ADGRA3: variants seen among roughly 807,000 people sequenced by gnomAD.
ADGRA3 encodes the protein G-protein coupled receptor 125.
A neutral mutation model predicts 119.8 loss-of-function variants in ADGRA3; 56 were observed. The observed-to-expected ratio is 0.47, with a 90% CI of 0.38 to 0.58. ADGRA3 has a LOEUF of 0.58. ADGRA3 is among the 20% of genes least tolerant of loss of function. ADGRA3 has a pLI of 0.00. For synonymous variants in ADGRA3, 607 were observed against 623.8 expected, an observed-to-expected ratio of 0.97 and a Z score of 0.40; for missense variants, 1,516 against 1,649.0, an observed-to-expected ratio of 0.92 and a Z score of 1.40.
At chr4:22,397,240 G>A (rs770186384) in intron 16 of ADGRA3, among the ~76,000 whole-genome samples, 1 of 141,766 alleles carries the variant, frequency 7.1e-6, no homozygotes, top group African/African-American at 2.6e-5. Context: ...GGAGTGCAGT[G>A]GTGCAATCTC....
At chr4:22,390,554 C>T (rs1191024964) in intron 17 of ADGRA3, among the ~76,000 whole-genome samples, 1 of 151,706 alleles carries the variant, frequency 6.6e-6, no homozygotes, top group Admixed American at 6.6e-5. Flanking sequence ...ACCACTTTCT[C>T]GCCTTTATCA....
intron 16 of ADGRA3, chr4:22,394,136 A>G (rs1483863813): frequency 6.6e-6 from 1 of 152,160 alleles, no homozygotes; most frequent in Non-Finnish European, 1.5e-5. Context: ...ATGAAATTCC[A>G]AGAAAAAATC....
At position 22,507,164 on chromosome 4, in the gene ADGRA3, C is replaced by G. The variant is rs552637168; in HGVS notation, c.257+8364G>C. 2.6e-5 allele frequency among the ~76,000 whole-genome samples: 4 copies of G among 152,074 alleles called. No individual in the cohort carries two copies. The South Asian group carries it at 8.3e-4, about 32-fold the overall frequency. On this transcript the variant is annotated intron_variant, in intron 1 of 18. Transcript: ENST00000334304. Reference sequence around the variant, plus strand: ...CTGAAGCAGGGGAATGGCGTGAACCCAGGTGGTGGAGCTTGCAGTGAGCCG... The same window carrying G: ...CTGAAGCAGGGGAATGGCGTGAACCGAGGTGGTGGAGCTTGCAGTGAGCCG...
intron 12 of ADGRA3, 62 bp from the exon 13 acceptor site, chr4:22,413,876 AT>A (rs1668543856): frequency 1.9e-6 from 2 of 1,075,050 alleles, no homozygotes; most frequent in Non-Finnish European, 2.6e-6. Flanking sequence ...CCAGAAAAAA[AT>A]ATGTCAGATA....
At chr4:22,444,372 A>G (rs1026540409) in intron 6 of ADGRA3, among the ~76,000 whole-genome samples, 3 of 151,792 alleles carry the variant, frequency 2.0e-5, no homozygotes, top group Non-Finnish European at 2.9e-5. Context: ...TGAAACCTCC[A>G]CCTCCTGGGT....
chr4:22,473,984 G>C, intron 1 of ADGRA3, 141 bp from the exon 2 acceptor site: 2 of 505,262 alleles, frequency 4.0e-6, no homozygotes, highest in South Asian at 8.8e-5. Flanking sequence ...GAAAAAAAGT[G>C]AGTGTCTTCC....
chr4:22,431,629 C>T (rs1384588209), intron 10 of ADGRA3, among the ~76,000 whole-genome samples: 6 of 152,150 alleles, frequency 3.9e-5, no homozygotes, highest in African/African-American at 1.2e-4. Flanking sequence ...CATGACTTTG[C>T]TCCTCCTTTG....
intron 7 of ADGRA3, among the ~76,000 whole-genome samples, chr4:22,441,667 CT>C (rs879732727): frequency 2.0e-4 from 30 of 151,912 alleles, no homozygotes; most frequent in Non-Finnish European, 3.7e-4. Flanking sequence ...ATAAACAATA[CT>C]TTTTTAAAAA....
chr4:22,456,027 G>C (rs992854381), intron 3 of ADGRA3, among the ~76,000 whole-genome samples: 1 of 152,090 alleles, frequency 6.6e-6, no homozygotes, highest in Non-Finnish European at 1.5e-5. Flanking sequence ...CTCTGTCATA[G>C]AGAGGTACGC....
chr4:22,398,073 T>C, intron 16 of ADGRA3: 2 of 985,348 alleles, frequency 2.0e-6, no homozygotes, highest in South Asian at 4.7e-5. Context: ...CACATGGATG[T>C]AGTTGATCTG....
chr4:22,492,394 C>T (rs1230606630), intron 1 of ADGRA3, among the ~76,000 whole-genome samples: 1 of 152,150 alleles, frequency 6.6e-6, no homozygotes, highest in African/African-American at 2.4e-5. Flanking sequence ...CCTTCAATAA[C>T]CCAATATACA....
chr4:22,443,460 C>T (rs915614636), intron 6 of ADGRA3, among the ~76,000 whole-genome samples: 16 of 152,070 alleles, frequency 1.1e-4, no homozygotes, highest in African/African-American at 3.6e-4. Flanking sequence ...AATATGTAGT[C>T]CATTTTTCTA....
intron 3 of ADGRA3, among the ~76,000 whole-genome samples, chr4:22,457,395 T>G (rs927535957): frequency 6.6e-6 from 1 of 152,220 alleles, no homozygotes; most frequent in Non-Finnish European, 1.5e-5. Flanking sequence ...TCTGTATCTA[T>G]GAGCAACTAG....
chr4:22,515,345 G>T, intron 1 of ADGRA3, 183 bp downstream of exon 1: 1 of 612,174 alleles, frequency 1.6e-6, no homozygotes. Context: ...CTCGGACGCA[G>T]ATTCCCTTGC....
chr4:22,390,403 A>AAATACGTATTATATATATAT (rs1560292344), intron 17 of ADGRA3, among the ~76,000 whole-genome samples: 1 of 3,174 alleles, frequency 3.2e-4, no homozygotes, highest in African/African-American at 6.7e-4. Flanking sequence ...TATATATATA[A>AAATACGTATTATATATATAT]AATACGTATT....
intron 3 of ADGRA3, among the ~76,000 whole-genome samples, chr4:22,458,644 T>C (rs982082498): frequency 5.9e-5 from 9 of 152,128 alleles, no homozygotes; most frequent in Admixed American, 2.6e-4. Flanking sequence ...TTGATTACGC[T>C]GCTACACCTG....
At chr4:22,424,412 G>T (rs1169763882) in intron 10 of ADGRA3, 60 bp from the exon 11 acceptor site, 1 of 1,548,582 alleles carries the variant, frequency 6.5e-7, no homozygotes, top group Non-Finnish European at 8.8e-7. Flanking sequence ...CTATTTCGTA[G>T]AATCAAAATC....
At position 22,402,735 on chromosome 4, in the gene ADGRA3, G is replaced by A. The variant is rs1313212730; in HGVS notation, c.2297C>T (p.Thr766Ile). The A allele has an allele frequency of 1.2e-6, 2 of 1,613,520 alleles. No homozygotes were observed. The highest frequency in any genetic ancestry group is 1.7e-6 in the Non-Finnish European group (2 of 1,179,632). Reference protein sequence around the residue: ...ASLLHPVVYTTAIILLLCLLA... With the variant: ...ASLLHPVVYTIAIILLLCLLA... ...GAGACATAAGAGGAGAATGATAGCG[G>A]TAGTATAAACCACAGGATGCAGGAG... The change falls in exon 15 of 19, where the codon ACC becomes ATC. Residue 766 changes from threonine (T) to isoleucine (I), a missense_variant. Thr to Ile is a moderately conservative substitution (Grantham distance 89). Around this residue, in one of 2 missense-constraint regions of ADGRA3, gnomAD observed 1,088 missense variants for 1,107.1 expected, o/e 0.98. Transcript: ENST00000334304.
intron 7 of ADGRA3, among the ~76,000 whole-genome samples, chr4:22,442,206 T>A (rs1035898092): frequency 1.3e-5 from 2 of 152,174 alleles, no homozygotes; most frequent in East Asian, 3.8e-4. Flanking sequence ...ACACCAATTA[T>A]GAGGTTGATA....
Sources: allele counts gnomAD v4.1 joint callset (sites outside exome capture counted in the v4.1 genomes callset), GRCh38; gene constraint gnomAD v4.1.1; regional missense constraint gnomAD v4.1.1; transcripts MANE v1.5; gene names NCBI Gene and HGNC (gene_info 2026-07-23, HGNC 2026-07-21).